The following FBXL17 variants were observed in gnomAD, a reference collection of about 807,000 sequenced individuals.
FBXL17 encodes F-box/LRR-repeat protein 17.
FBXL17 carries 22 observed loss-of-function variants against 66.2 expected under a neutral mutation model. The ratio of observed to expected loss-of-function variants is 0.33; its 90% confidence interval spans 0.24 to 0.47. The LOEUF (loss-of-function observed/expected upper bound fraction) is 0.47, where lower values mean the gene tolerates loss of function less well. Among genes scored for constraint, FBXL17 ranks in the 20% least tolerant of loss-of-function variants. The pLI, the probability that FBXL17 is intolerant of heterozygous loss-of-function variation, is 1.00. For synonymous variants in FBXL17, 474 were observed against 400.5 expected (o/e 1.18, Z -2.19); for missense variants, 878 against 948.2 (o/e 0.93, Z 0.97).
At position 107,970,922 on chromosome 5, in the gene FBXL17, T is replaced by C. The variant is rs375842105; in HGVS notation, c.1822+50003A>G. 3.5e-4 allele frequency among the ~76,000 whole-genome samples: 53 copies of C among 152,228 alleles called. 1 individual carries two copies. The highest frequency in any genetic ancestry group is 1.1e-3 in the African/African-American group (45 of 41,528). Reference sequence around the variant, plus strand: ...GTTGCTTATGTGAGCGTCAGTTAAGTAGAAAATTGGATTTATGTAAAATTA... The same window carrying C: ...GTTGCTTATGTGAGCGTCAGTTAAGCAGAAAATTGGATTTATGTAAAATTA... On this transcript the variant is annotated intron_variant, in intron 7 of 8. Coordinates refer to ENST00000542267, the MANE Select transcript of FBXL17 (RefSeq NM_001163315.3).
chr5:108,141,317 A>AAC (rs771601830), intron 6 of FBXL17, among the ~76,000 whole-genome samples: 3 of 151,994 alleles, frequency 2.0e-5, no homozygotes, highest in Non-Finnish European at 4.4e-5. Context: ...CACCAACCCC[A>AAC]ACACACACAC....
At chr5:108,320,095 T>G (rs1252642361) in intron 4 of FBXL17, among the ~76,000 whole-genome samples, 1 of 151,800 alleles carries the variant, frequency 6.6e-6, no homozygotes, top group African/African-American at 2.4e-5. Flanking sequence ...CCTTGCTAGC[T>G]AGAAATTATT....
At chr5:108,123,569 T>C (rs1750584839) in intron 6 of FBXL17, among the ~76,000 whole-genome samples, 1 of 152,206 alleles carries the variant, frequency 6.6e-6, no homozygotes, top group Non-Finnish European at 1.5e-5. Flanking sequence ...TCACTGAGTC[T>C]TTTCCTTAGA....
chr5:108,143,726 G>GAAAAA (rs67537467), intron 6 of FBXL17, among the ~76,000 whole-genome samples: 2 of 107,526 alleles, frequency 1.9e-5, no homozygotes, highest in Admixed American at 9.4e-5. Context: ...GTTTTCATGG[G>GAAAAA]AAAAAAAAAA....
intron 4 of FBXL17, chr5:108,299,667 G>A: frequency 1.0e-6 from 1 of 976,396 alleles, no homozygotes; most frequent in Non-Finnish European, 1.2e-6. Flanking sequence ...AAAAAAAAAA[G>A]GCCAGCCTGC....
chr5:108,059,642 C>G (rs971769646), intron 6 of FBXL17, among the ~76,000 whole-genome samples: 2 of 152,280 alleles, frequency 1.3e-5, no homozygotes, highest in East Asian at 3.9e-4. Flanking sequence ...TGTTTTTGTT[C>G]TCCAAATGAC....
chr5:108,078,943 G>A (rs556552087), intron 6 of FBXL17, among the ~76,000 whole-genome samples: 1 of 152,182 alleles, frequency 6.6e-6, no homozygotes, highest in South Asian at 2.1e-4. Context: ...ATCACACTCT[G>A]TTGCTCATGC....
intron 7 of FBXL17, among the ~76,000 whole-genome samples, chr5:107,895,222 A>C (rs1358158323): frequency 1.3e-5 from 2 of 152,070 alleles, no homozygotes; most frequent in Non-Finnish European, 2.9e-5. Context: ...TTTTTAAAGA[A>C]AGATTCATCA....
chr5:107,882,595 A>T (rs7732519), intron 7 of FBXL17, among the ~76,000 whole-genome samples: 54,581 of 151,918 alleles, frequency 0.36, 10,189 homozygotes, highest in African/African-American at 0.44. Flanking sequence ...GGGATTTGCC[A>T]ACTACTAAAA....
chr5:108,113,981 T>G (rs10479427), intron 6 of FBXL17, among the ~76,000 whole-genome samples: 1 of 152,002 alleles, frequency 6.6e-6, no homozygotes, highest in African/African-American at 2.4e-5. Flanking sequence ...CTTTTACACA[T>G]AGAACAAATG....
intron 6 of FBXL17, among the ~76,000 whole-genome samples, chr5:108,060,003 T>C (rs1161198902): frequency 6.6e-6 from 1 of 150,462 alleles, no homozygotes; most frequent in Non-Finnish European, 1.5e-5. Flanking sequence ...TGAATATATA[T>C]AAAAACCTAT....
intron 7 of FBXL17, among the ~76,000 whole-genome samples, chr5:107,967,379 A>G (rs1378898787): frequency 6.6e-6 from 1 of 151,914 alleles, no homozygotes; most frequent in Non-Finnish European, 1.5e-5. Flanking sequence ...AACTTGACCA[A>G]TGTTGACAGC....
chr5:108,046,069 A>G (rs949857800), intron 6 of FBXL17, among the ~76,000 whole-genome samples: 15 of 152,332 alleles, frequency 9.8e-5, no homozygotes, highest in Middle Eastern at 3.4e-3. Flanking sequence ...GTCTCCAACT[A>G]CAACTGTAGA....
Position 108,224,173 on chromosome 5 carries a change from A to G in FBXL17, c.1562T>C (p.Val521Ala). 2 of 1,612,084 alleles carry G rather than the reference A, an allele frequency of 1.2e-6. No individual in the cohort carries two copies. The highest frequency in any genetic ancestry group is 1.7e-6 in the Non-Finnish European group (2 of 1,178,808). Residue 521 changes from valine to alanine, a missense_variant, in exon 5 of 9, where the codon GTA (valine) becomes GCA (alanine). Val to Ala is a moderately conservative substitution (Grantham distance 64). Around this residue, in one of 4 missense-constraint regions of FBXL17, gnomAD observed 236 missense variants for 389.1 expected, o/e 0.61. Transcript: ENST00000542267. ...FAEHCPELQY[V>A]GFMGCSVTSK... Reference sequence around the variant, plus strand: ...AGTGACTGAACAACCCATGAAGCCTACATATTGAAGCTCAGGACAGTGTTC... The same window carrying G: ...AGTGACTGAACAACCCATGAAGCCTGCATATTGAAGCTCAGGACAGTGTTC...
intron 4 of FBXL17, among the ~76,000 whole-genome samples, chr5:108,242,348 GTTT>G (rs1160698189): frequency 1.7e-5 from 2 of 116,920 alleles, no homozygotes; most frequent in Non-Finnish European, 3.5e-5. Context: ...TGCCTGGCTA[GTTT>G]GTTGTTGTTG....
At chr5:107,987,564 G>C (rs1055733852) in intron 7 of FBXL17, among the ~76,000 whole-genome samples, 5 of 151,970 alleles carry the variant, frequency 3.3e-5, no homozygotes, top group African/African-American at 1.2e-4. Context: ...CACACAACTA[G>C]TAAGACAGTT....
chr5:108,013,566 G>T (rs1224562332), intron 7 of FBXL17, among the ~76,000 whole-genome samples: 2 of 151,976 alleles, frequency 1.3e-5, no homozygotes, highest in Admixed American at 6.6e-5. Flanking sequence ...CCTCTCTTGA[G>T]CCCCAACATG....
intron 5 of FBXL17, among the ~76,000 whole-genome samples, chr5:108,213,728 T>G (rs1184087729): frequency 6.6e-6 from 1 of 152,178 alleles, no homozygotes; most frequent in East Asian, 1.9e-4. Flanking sequence ...GAGCTGTTCC[T>G]ATTCAGCCAT....
intron 6 of FBXL17, among the ~76,000 whole-genome samples, chr5:108,114,158 G>C (rs1476801928): frequency 1.3e-5 from 2 of 152,028 alleles, no homozygotes; most frequent in African/African-American, 4.8e-5. Flanking sequence ...AAACAAGAAA[G>C]TACCCCTCCC....
Sources: gnomAD v4.1 joint callset for allele counts (sites outside exome capture counted in the v4.1 genomes callset) on GRCh38, gnomAD v4.1.1 for gene constraint, gnomAD v4.1.1 regional missense constraint, MANE v1.5 for transcripts, NCBI Gene and HGNC (gene_info 2026-07-23, HGNC 2026-07-21) for gene names.